SACS: variants seen among roughly 807,000 people sequenced by gnomAD.
SACS encodes the protein sacsin.
In SACS, 197 loss-of-function variants were observed where a neutral mutation model predicts 348.0. The observed-to-expected ratio is 0.57, with a 90% confidence interval of 0.50 to 0.64. The LOEUF (loss-of-function observed/expected upper bound fraction) is 0.64. SACS is among the 30% of genes least tolerant of loss of function. The pLI, the probability that SACS is intolerant of heterozygous loss-of-function variation, is 0.00. For synonymous variants in SACS, 1,985 were observed against 1,910.6 expected, an observed-to-expected ratio of 1.04 and a Z score of -1.02; for missense variants, 4,999 against 5,360.8, an observed-to-expected ratio of 0.93 and a Z score of 2.11.
chr13:23,336,949 T>A lies in SACS; in HGVS notation c.6927A>T (p.Thr2309=). Residue 2309 remains threonine (T), a synonymous_variant, in exon 10 of 10, where the codon ACA becomes ACT. Transcript: ENST00000382292. The part of the protein sequence containing the change: ...EVAKSVDDGI[T]LYQENITNAC... Reference sequence around the variant, plus strand: ...CATTGGTGATATTCTCCTGGTACAGTGTAATTCCATCATCAACTGATTTTG... The same window carrying A: ...CATTGGTGATATTCTCCTGGTACAGAGTAATTCCATCATCAACTGATTTTG... 6.2e-7 allele frequency: 1 copy of A among 1,613,934 alleles called. No individual in the cohort carries two copies. Among genetic ancestry groups the A allele is most frequent in the East Asian group, 2.2e-5 (1 of 44,866 alleles).
intron 2 of SACS, among the ~76,000 whole-genome samples, chr13:23,409,104 G>A (rs544487104): frequency 1.4e-3 from 153 of 107,890 alleles, no homozygotes; most frequent in Admixed American, 3.0e-3. Flanking sequence ...CCAGGCTGGA[G>A]TGCAGTGGTG....
intron 1 of SACS, among the ~76,000 whole-genome samples, chr13:23,431,553 T>C (rs1874434021): frequency 6.6e-6 from 1 of 152,220 alleles, no homozygotes; most frequent in Non-Finnish European, 1.5e-5. Context: ...ATGGGAATTG[T>C]CCTGACTTCC....
intron 2 of SACS, among the ~76,000 whole-genome samples, chr13:23,404,984 C>A (rs1873140430): frequency 6.6e-6 from 1 of 152,084 alleles, no homozygotes; most frequent in Non-Finnish European, 1.5e-5. Context: ...GCCATACTGC[C>A]CAAAGTAATT....
chr13:23,354,727 C>T lies in SACS; in HGVS notation c.1885G>A (p.Ala629Thr), dbSNP rs149638449. Residue 629 changes from alanine to threonine, a missense_variant, in exon 8 of 10, where the codon GCG (alanine) becomes ACG (threonine). Ala to Thr is a moderately conservative substitution (Grantham distance 58). Coordinates refer to ENST00000382292, the MANE Select transcript of SACS (RefSeq NM_014363.6). The stretch of plus-strand genomic sequence containing the variant: ...TTCCGCAGCACCTGCCGCACCCACG[C>T]GGGCGTCACCTTCCTCACAGGTGTT... ...GTTPVRKVTP[A>T]WVRQVLRKCA... is the part of the protein sequence containing the mutation. The T allele has an allele frequency of 6.3e-4, 1,016 of 1,613,524 alleles. 2 individuals are homozygous for T. Among genetic ancestry groups the T allele is most frequent in the Admixed American group, 1.0e-3 (63 of 60,004 alleles).
chr13:23,380,511 C>T (rs973441654), intron 2 of SACS, among the ~76,000 whole-genome samples: 6 of 152,008 alleles, frequency 3.9e-5, no homozygotes, highest in South Asian at 4.2e-4. Flanking sequence ...GTGAGAAACT[C>T]GAAACCAAGC....
chr13:23,388,779 T>TA (rs1340028431), intron 2 of SACS, among the ~76,000 whole-genome samples: 91 of 152,000 alleles, frequency 6.0e-4, no homozygotes, highest in Non-Finnish European at 8.8e-5. Flanking sequence ...ATATTGGGTA[T>TA]AACGTGCGCT....
At position 23,367,535 on chromosome 13, in the gene SACS, C is replaced by T. The variant is rs146182941; in HGVS notation, c.345+867G>A. On this transcript the variant is annotated intron_variant, in intron 5 of 9. Coordinates refer to ENST00000382292, the MANE Select transcript of SACS (RefSeq NM_014363.6). Reference sequence around the variant, plus strand: ...TATTAAACACAAAATCTAATTTTTGCAGTATCTCCCATTATTGCTTTCTTT... The same window carrying T: ...TATTAAACACAAAATCTAATTTTTGTAGTATCTCCCATTATTGCTTTCTTT... Among the ~76,000 whole-genome samples the T allele has an allele frequency of 5.3e-3, 807 of 152,274 alleles. 5 individuals are homozygous for T. The highest frequency in any genetic ancestry group is 0.019 in the African/African-American group (783 of 41,558).
At chr13:23,346,073 A>G (rs1869582652) in intron 9 of SACS, among the ~76,000 whole-genome samples, 1 of 152,136 alleles carries the variant, frequency 6.6e-6, no homozygotes, top group Non-Finnish European at 1.5e-5. Flanking sequence ...TCCAAAACAG[A>G]AAGGCTGTGG....
rs539957693 is a variant in SACS at position 23,335,548 on chromosome 13, T to C, written c.8328A>G (p.Lys2776=). The C allele has an allele frequency of 6.2e-7, 1 of 1,613,748 alleles. No individual in the cohort carries two copies. The highest frequency in any genetic ancestry group is 1.7e-5 in the Admixed American group (1 of 59,990). ...TTACAGATGCATGAAATTGTTTCCT[T>C]TTCAATCTGTCTCCATCTGTGATTT... The part of the protein sequence containing the change: ...KGKITDGDRL[K]RKQFHASVID... The change falls in exon 10 of 10, where the codon AAA becomes AAG. Residue 2776 remains lysine (K), a synonymous_variant. Coordinates refer to ENST00000382292, the MANE Select transcript of SACS (RefSeq NM_014363.6). The surrounding 1 kb of genome is among the most constrained non-coding windows in gnomAD (Gnocchi z 4.7).
intron 1 of SACS, among the ~76,000 whole-genome samples, chr13:23,413,002 A>C (rs1175839943): frequency 6.6e-6 from 1 of 152,034 alleles, no homozygotes; most frequent in Non-Finnish European, 1.5e-5. Flanking sequence ...TTTGAGAAGG[A>C]GTTTCGCTCT....
Position 23,340,857 on chromosome 13 carries a change from C to T in SACS, c.3019G>A (p.Glu1007Lys), listed in dbSNP as rs1276063111. The T allele has an allele frequency of 2.5e-6, 4 of 1,607,634 alleles. No homozygotes were observed. The highest frequency in any genetic ancestry group is 3.4e-6 in the Non-Finnish European group (4 of 1,175,558). Residue 1007 changes from glutamate to lysine, a missense_variant, in exon 10 of 10, where the codon GAA becomes AAA. Glu to Lys is a moderately conservative substitution (Grantham distance 56). This residue lies in a region of SACS where 3,156 missense variants were observed against 3,380.1 expected (regional missense o/e 0.93). Coordinates refer to ENST00000382292, the MANE Select transcript of SACS (RefSeq NM_014363.6). Reference sequence around the variant, plus strand: ...CATAACATAAGCTGTGTTACCTCTTCATGTGAATAAAATGCATTTTCAATA... The same window carrying T: ...CATAACATAAGCTGTGTTACCTCTTTATGTGAATAAAATGCATTTTCAATA... Reference protein sequence around the residue: ...KDIENAFYSHEEVTQLMLWVL... With the variant: ...KDIENAFYSHKEVTQLMLWVL...
chr13:23,375,105 C>T lies in SACS; in HGVS notation c.171+14G>A, dbSNP rs749647603. 2.7e-6 allele frequency: 4 copies of T among 1,488,834 alleles called. No individual in the cohort carries two copies. Among genetic ancestry groups the T allele is most frequent in the South Asian group, 1.3e-5 (1 of 78,122 alleles). 92.2% of individuals were successfully genotyped at this position (1,488,834 alleles called of 1,614,324 possible). On this transcript the variant is annotated intron_variant, in intron 3 of 9. Transcript: ENST00000382292. Reference sequence around the variant, plus strand: ...GTGGCGGAGCCCAGCCCAGCGCCCCCGGCCACCGCCTACCTCGCGGCCGCC... The same window carrying T: ...GTGGCGGAGCCCAGCCCAGCGCCCCTGGCCACCGCCTACCTCGCGGCCGCC...
At chr13:23,365,349 A>G in intron 5 of SACS, 72 bp from the exon 6 acceptor site, 2 of 880,956 alleles carry the variant, frequency 2.3e-6, no homozygotes, top group South Asian at 3.4e-5. Context: ...GTATTTATCT[A>G]TAATATTTAA....
chr13:23,419,971 G>T (rs1474504909), intron 1 of SACS, among the ~76,000 whole-genome samples: 1 of 152,104 alleles, frequency 6.6e-6, no homozygotes, highest in Non-Finnish European at 1.5e-5. Context: ...TGCCCACATG[G>T]GTCCTTGGTG....
chr13:23,417,001 T>C (rs2137979689), intron 1 of SACS, among the ~76,000 whole-genome samples: 1 of 152,288 alleles, frequency 6.6e-6, no homozygotes, highest in South Asian at 2.1e-4. Flanking sequence ...ATGTTAATAA[T>C]AGATTTTTTC....
At chr13:23,407,533 TA>T (rs1399942550) in intron 2 of SACS, among the ~76,000 whole-genome samples, 4 of 152,186 alleles carry the variant, frequency 2.6e-5, no homozygotes, top group African/African-American at 9.6e-5. Context: ...ATGTCTGACT[TA>T]TTGAAGCATC....
chr13:23,353,212 G>A (rs759491263), intron 9 of SACS, among the ~76,000 whole-genome samples: 6 of 152,056 alleles, frequency 3.9e-5, no homozygotes, highest in Non-Finnish European at 5.9e-5. Context: ...TAAGACCCCC[G>A]CAAGACCCTT....
intron 1 of SACS, among the ~76,000 whole-genome samples, chr13:23,425,056 C>T (rs1874113250): frequency 6.6e-6 from 1 of 152,166 alleles, no homozygotes; most frequent in Non-Finnish European, 1.5e-5. Flanking sequence ...TGGTGTACAC[C>T]TCAAGTCGAG....
intron 2 of SACS, among the ~76,000 whole-genome samples, chr13:23,395,674 A>G (rs1346988688): frequency 1.3e-5 from 2 of 152,204 alleles, no homozygotes; most frequent in Non-Finnish European, 2.9e-5. Context: ...TGAGCAAATG[A>G]AAATCTTACA....
Sources: allele counts gnomAD v4.1 joint callset (sites outside exome capture counted in the v4.1 genomes callset), GRCh38; gene constraint gnomAD v4.1.1; regional missense constraint gnomAD v4.1.1; non-coding constraint Gnocchi (gnomAD v3.1); transcripts MANE v1.5; gene names NCBI Gene and HGNC (gene_info 2026-07-23, HGNC 2026-07-21).